SYT16: variants seen among roughly 807,000 people sequenced by gnomAD.
The protein encoded by SYT16 is synaptotagmin-16.
In SYT16, 42 loss-of-function variants were observed where a neutral mutation model predicts 61.4. The ratio of observed to expected loss-of-function variants is 0.68; its 90% confidence interval spans 0.53 to 0.89. The LOEUF is 0.89. Among genes scored for constraint, SYT16 ranks in the 40% least tolerant of loss-of-function variants. The probability of loss-of-function intolerance (pLI) is 0.00; values close to 1 mark genes in which losing one functional copy is unlikely to be tolerated. For missense variants in SYT16, 804 were observed against 807.3 expected (o/e 1.00, Z 0.05); for synonymous variants, 314 against 302.3 (o/e 1.04, Z -0.40).
chr14:61,907,394 C>T (rs974705756), intron 1 of SYT16, among the ~76,000 whole-genome samples: 1 of 152,192 alleles, frequency 6.6e-6, no homozygotes, highest in Admixed American at 6.5e-5. Flanking sequence ...TAACAAATTA[C>T]CCCACAAGTT....
chr14:61,834,783 G>A (rs1371716287), intron 1 of SYT16, among the ~76,000 whole-genome samples: 2 of 152,044 alleles, frequency 1.3e-5, no homozygotes, highest in African/African-American at 2.4e-5. Context: ...CTATCCAGTT[G>A]TACTGGTATA....
intron 2 of SYT16, among the ~76,000 whole-genome samples, chr14:61,978,538 T>C (rs2051917744): frequency 6.6e-6 from 1 of 152,206 alleles, no homozygotes; most frequent in African/African-American, 2.4e-5. Flanking sequence ...TGCAAATTAA[T>C]TACATCACAA....
At chr14:61,991,950 GTTCATTCATTCATTCATTCA>G (rs75057544) in intron 2 of SYT16, among the ~76,000 whole-genome samples, 5 of 149,160 alleles carry the variant, frequency 3.4e-5, no homozygotes, top group Non-Finnish European at 5.9e-5. Context: ...AACTTTGTTC[GTTCATTCATTCATTCATTCA>G]TTCATTCATT....
chr14:62,081,732 C>T (rs1442447900), intron 6 of SYT16, among the ~76,000 whole-genome samples: 2 of 152,164 alleles, frequency 1.3e-5, no homozygotes, highest in Admixed American at 6.5e-5. Flanking sequence ...TACCGTCTTC[C>T]CTCATACCCC....
intron 1 of SYT16, among the ~76,000 whole-genome samples, chr14:61,852,557 A>G (rs2046648702): frequency 6.6e-6 from 1 of 152,162 alleles, no homozygotes; most frequent in East Asian, 1.9e-4. Flanking sequence ...AGAGCATGGA[A>G]TGTTTCTCTA....
chr14:61,914,619 T>TG (rs34851985), intron 1 of SYT16, among the ~76,000 whole-genome samples: 56,727 of 151,980 alleles, frequency 0.37, 12,694 homozygotes, highest in East Asian at 0.77. Context: ...CCAAAAACCT[T>TG]GGGGTTATCT....
At chr14:62,080,605 C>A (rs2056672398) in intron 5 of SYT16, among the ~76,000 whole-genome samples, 1 of 152,168 alleles carries the variant, frequency 6.6e-6, no homozygotes, top group African/African-American at 2.4e-5. Flanking sequence ...CTTTAGTTAT[C>A]CATTCCAAAA....
intron 7 of SYT16, among the ~76,000 whole-genome samples, chr14:62,085,086 G>A (rs1268519089): frequency 6.6e-6 from 1 of 152,218 alleles, no homozygotes; most frequent in South Asian, 2.1e-4. Flanking sequence ...TATCCCCAGA[G>A]CTGCAGTCCA....
intron 1 of SYT16, among the ~76,000 whole-genome samples, chr14:61,959,504 C>T (rs2051027690): frequency 6.6e-6 from 1 of 152,160 alleles, no homozygotes; most frequent in South Asian, 2.1e-4. Context: ...CAATCACATA[C>T]ACAAGTTCTG....
At chr14:61,981,782 A>G (rs2052089286) in intron 2 of SYT16, among the ~76,000 whole-genome samples, 1 of 152,158 alleles carries the variant, frequency 6.6e-6, no homozygotes, top group African/African-American at 2.4e-5. Flanking sequence ...AGACCTGTGC[A>G]CGTTTACAGT....
At chr14:61,893,963 G>A (rs557683823) in intron 1 of SYT16, among the ~76,000 whole-genome samples, 2 of 152,160 alleles carry the variant, frequency 1.3e-5, no homozygotes, top group Non-Finnish European at 2.9e-5. Flanking sequence ...TAAGGAGAAG[G>A]CTCCTCAGTT....
chr14:61,858,144 GAAAGAAAA>G (rs1467870100), intron 1 of SYT16, among the ~76,000 whole-genome samples: 5 of 100,610 alleles, frequency 5.0e-5, no homozygotes, highest in Non-Finnish European at 8.3e-5. Flanking sequence ...AAAAAAAAAA[GAAAGAAAA>G]AAAGAAAAAA....
chr14:61,952,423 A>G (rs1343057950), intron 1 of SYT16, among the ~76,000 whole-genome samples: 2 of 152,218 alleles, frequency 1.3e-5, no homozygotes, highest in African/African-American at 4.8e-5. Flanking sequence ...GTGCATCTCA[A>G]CCATTTTCAT....
chr14:61,982,124 A>C (rs1163932810), intron 2 of SYT16, among the ~76,000 whole-genome samples: 1 of 152,206 alleles, frequency 6.6e-6, no homozygotes, highest in Non-Finnish European at 1.5e-5. Context: ...CTCTGGAGCC[A>C]TTCTATGTTT....
At chr14:61,842,189 C>G (rs917469778) in intron 1 of SYT16, among the ~76,000 whole-genome samples, 2 of 152,130 alleles carry the variant, frequency 1.3e-5, no homozygotes, top group African/African-American at 4.8e-5. Flanking sequence ...AACAATCTAA[C>G]TATACTCTTT....
chr14:61,880,223 C>T (rs1195566503), intron 1 of SYT16, among the ~76,000 whole-genome samples: 1 of 152,154 alleles, frequency 6.6e-6, no homozygotes, highest in Non-Finnish European at 1.5e-5. Flanking sequence ...AAATAGTTCC[C>T]CCTAAAGTAC....
In SYT16 at chr14:62,075,439, C is replaced by G. The variant is rs1307523725; in HGVS notation, c.993+48C>G. On this transcript the variant is annotated intron_variant, in intron 5 of 7. Coordinates refer to ENST00000683842, the MANE Select transcript of SYT16 (RefSeq NM_001367656.1). ...TTTCATTGGTTCCCTTTCCCCTTCC[C>G]CTCTTTCCACTCTCCTTTCTCATCT... 3.3e-6 allele frequency: 5 copies of G among 1,536,244 alleles called. No homozygotes were observed. In the African/African-American group the frequency reaches 5.5e-5, roughly 17 times the overall value.
intron 3 of SYT16, among the ~76,000 whole-genome samples, chr14:62,063,269 T>G (rs1224449567): frequency 6.6e-6 from 1 of 152,180 alleles, no homozygotes. Context: ...GGCACATGCT[T>G]TCCTGTGCGT....
chr14:61,906,314 T>A (rs893917581), intron 1 of SYT16, among the ~76,000 whole-genome samples: 16 of 152,028 alleles, frequency 1.1e-4, no homozygotes, highest in African/African-American at 3.9e-4. Flanking sequence ...GCACAGTCTT[T>A]CTCTGTTACC....
Sources: gnomAD v4.1 joint callset for allele counts (sites outside exome capture counted in the v4.1 genomes callset) on GRCh38, gnomAD v4.1.1 for gene constraint, MANE v1.5 for transcripts, NCBI Gene and HGNC (gene_info 2026-07-23, HGNC 2026-07-21) for gene names.